The following STXBP5L variants were observed in gnomAD, a reference collection of about 807,000 sequenced individuals.
STXBP5L encodes the protein syntaxin binding protein 5L, also known as syntaxin-binding protein 5-like.
Under a neutral mutation model 144.5 loss-of-function variants are expected in STXBP5L, and 65 were observed. The ratio of observed to expected loss-of-function variants is 0.45; its 90% CI spans 0.37 to 0.55. STXBP5L has a LOEUF of 0.55. Among genes scored for constraint, STXBP5L ranks in the 20% least tolerant of loss-of-function variants. The probability of loss-of-function intolerance (pLI) is 0.00; values close to 1 mark genes in which losing one functional copy is unlikely to be tolerated. For missense variants in STXBP5L, 1,298 were observed against 1,405.5 expected (o/e 0.92, Z 1.22); for synonymous variants, 505 against 469.6 (o/e 1.08, Z -0.97).
intron 3 of STXBP5L, among the ~76,000 whole-genome samples, chr3:120,965,515 T>C (rs1225906085): frequency 6.6e-6 from 1 of 152,240 alleles, no homozygotes; most frequent in Non-Finnish European, 1.5e-5. Flanking sequence ...TAAAGAATTT[T>C]AATTCTCCTT....
intron 9 of STXBP5L, among the ~76,000 whole-genome samples, chr3:121,205,051 T>C (rs1446751031): frequency 6.6e-6 from 1 of 152,220 alleles, no homozygotes; most frequent in Non-Finnish European, 1.5e-5. Flanking sequence ...AGAATAATTT[T>C]AATAGTTCAT....
chr3:121,050,640 G>A (rs1301183562), intron 5 of STXBP5L, among the ~76,000 whole-genome samples: 2 of 152,138 alleles, frequency 1.3e-5, no homozygotes, highest in Non-Finnish European at 2.9e-5. Context: ...ATGCCAAAAT[G>A]TAAAGACCAT....
chr3:121,233,701 T>C lies in STXBP5L; in HGVS notation c.1184+13T>C, dbSNP rs201620018. The C allele has an allele frequency of 6.9e-6, 11 of 1,591,114 alleles. No homozygotes were observed. Among genetic ancestry groups the C allele is most frequent in the South Asian group, 2.2e-5 (2 of 89,364 alleles). The stretch of plus-strand genomic sequence containing the variant: ...TGACACAAAGCAAGTAAGTTATCCA[T>C]GTACAGATTAACACTTTTAAACTCT... On this transcript the variant is annotated intron_variant, in intron 12 of 26. Transcript: ENST00000471454.
chr3:121,395,853 T>C (rs2046716215), intron 22 of STXBP5L, among the ~76,000 whole-genome samples: 2 of 152,188 alleles, frequency 1.3e-5, no homozygotes, highest in African/African-American at 4.8e-5. Context: ...TCGACAGGTG[T>C]TGCTTGTGAC....
chr3:121,303,543 A>T (rs1383518288), intron 19 of STXBP5L, among the ~76,000 whole-genome samples: 2 of 152,136 alleles, frequency 1.3e-5, no homozygotes, highest in Non-Finnish European at 1.5e-5. Flanking sequence ...TACCCAAAGG[A>T]TTATAAATCA....
chr3:121,328,004 G>C (rs1384573182), intron 20 of STXBP5L, among the ~76,000 whole-genome samples: 2 of 152,174 alleles, frequency 1.3e-5, no homozygotes, highest in African/African-American at 4.8e-5. Flanking sequence ...TGTGACTTAA[G>C]GAGATTTTTA....
At chr3:120,911,812 T>C (rs1708855193) in intron 2 of STXBP5L, among the ~76,000 whole-genome samples, 1 of 152,124 alleles carries the variant, frequency 6.6e-6, no homozygotes, top group African/African-American at 2.4e-5. Flanking sequence ...AAAATAGTTA[T>C]ATGGATGTAT....
intron 1 of STXBP5L, among the ~76,000 whole-genome samples, chr3:120,908,681 C>T (rs1708661733): frequency 6.6e-6 from 1 of 151,242 alleles, no homozygotes; most frequent in Non-Finnish European, 1.5e-5. Context: ...AGGCGGGACT[C>T]GGGCCGCAGC....
chr3:121,185,936 A>G (rs907169919), intron 9 of STXBP5L, among the ~76,000 whole-genome samples: 5 of 152,128 alleles, frequency 3.3e-5, no homozygotes, highest in African/African-American at 1.2e-4. Flanking sequence ...TGATCATAGA[A>G]TGTTCTTCCA....
At chr3:121,038,677 C>T (rs1020559699) in intron 3 of STXBP5L, among the ~76,000 whole-genome samples, 4 of 151,692 alleles carry the variant, frequency 2.6e-5, no homozygotes, top group African/African-American at 4.8e-5. Context: ...TATTAGTTAT[C>T]GAGAAAGGGG....
intron 3 of STXBP5L, among the ~76,000 whole-genome samples, chr3:121,005,136 C>T (rs183563821): frequency 6.6e-6 from 1 of 152,256 alleles, no homozygotes; most frequent in African/African-American, 2.4e-5. Context: ...TTACCAGCTC[C>T]TCCTTGTAAC....
intron 22 of STXBP5L, among the ~76,000 whole-genome samples, chr3:121,395,913 TC>T (rs1331810217): frequency 1.3e-5 from 2 of 152,168 alleles, no homozygotes; most frequent in East Asian, 3.9e-4. Context: ...AACCGAGGGG[TC>T]CTCGGGATCC....
At chr3:120,992,839 T>C (rs1943035043) in intron 3 of STXBP5L, among the ~76,000 whole-genome samples, 1 of 152,050 alleles carries the variant, frequency 6.6e-6, no homozygotes. Context: ...TGCTGGATAA[T>C]ATGGTAGTTC....
intron 5 of STXBP5L, among the ~76,000 whole-genome samples, chr3:121,077,031 G>T (rs2042046657): frequency 6.6e-6 from 1 of 152,154 alleles, no homozygotes; most frequent in Admixed American, 6.5e-5. Flanking sequence ...CATGATAAGA[G>T]GTCTGTGCCT....
intron 3 of STXBP5L, among the ~76,000 whole-genome samples, chr3:120,963,533 G>A (rs1350626783): frequency 6.6e-6 from 1 of 152,178 alleles, no homozygotes; most frequent in Non-Finnish European, 1.5e-5. Flanking sequence ...AGATAATCAT[G>A]TGGTTTTTGT....
chr3:121,045,596 T>A (rs1560050058), intron 5 of STXBP5L, 61 bp downstream of exon 5: 6 of 1,464,134 alleles, frequency 4.1e-6, no homozygotes, highest in Non-Finnish European at 5.6e-6. Flanking sequence ...CTGAGCAAGT[T>A]TTTGTTAACT....
At chr3:120,984,051 G>A (rs1232457790) in intron 3 of STXBP5L, among the ~76,000 whole-genome samples, 2 of 152,080 alleles carry the variant, frequency 1.3e-5, no homozygotes, top group Non-Finnish European at 2.9e-5. Context: ...TTTGTTCCTA[G>A]TTCACCCCGG....
intron 22 of STXBP5L, among the ~76,000 whole-genome samples, chr3:121,387,085 A>T (rs1458070329): frequency 6.6e-6 from 1 of 152,082 alleles, no homozygotes; most frequent in African/African-American, 2.4e-5. Flanking sequence ...TGACTTTTTA[A>T]TGATTGCCAT....
intron 3 of STXBP5L, among the ~76,000 whole-genome samples, chr3:121,031,456 ATGGAGGC>A (rs1172322470): frequency 6.6e-6 from 1 of 152,028 alleles, no homozygotes; most frequent in Non-Finnish European, 1.5e-5. Flanking sequence ...TCACACAACT[ATGGAGGC>A]TGGCAAATCC....
Sources: allele counts gnomAD v4.1 joint callset (sites outside exome capture counted in the v4.1 genomes callset), GRCh38; gene constraint gnomAD v4.1.1; transcripts MANE v1.5; gene names NCBI Gene and HGNC (gene_info 2026-07-23, HGNC 2026-07-21).